The following DISC1 variants were observed in gnomAD, a reference collection of about 807,000 sequenced individuals.
DISC1 encodes the protein disrupted in schizophrenia 1 protein.
A neutral mutation model predicts 84.5 loss-of-function variants in DISC1; 57 were observed. That is an observed-to-expected ratio of 0.67 (90% CI 0.55 to 0.84). The LOEUF (loss-of-function observed/expected upper bound fraction) is 0.84. Ranked by LOEUF, DISC1 falls within the 40% of genes least tolerant of loss-of-function variation. The probability of loss-of-function intolerance (pLI) is 0.00; values close to 1 mark genes in which losing one functional copy is unlikely to be tolerated. For synonymous variants in DISC1, 411 were observed against 415.2 expected (o/e 0.99, Z 0.12); for missense variants, 1,000 against 1,057.8 (o/e 0.95, Z 0.76).
chr1:231,828,070 CA>C (rs1186992698), intron 9 of DISC1, among the ~76,000 whole-genome samples: 2 of 152,084 alleles, frequency 1.3e-5, no homozygotes, highest in African/African-American at 4.8e-5. Flanking sequence ...TTTTATTTGC[CA>C]AAATGATGTT....
intron 3 of DISC1, among the ~76,000 whole-genome samples, chr1:231,714,199 T>G (rs2125044421): frequency 6.6e-6 from 1 of 152,232 alleles, no homozygotes; most frequent in Middle Eastern, 3.4e-3. Flanking sequence ...AGTGAAAGAC[T>G]TTTACATTAA....
At chr1:232,024,490 A>G (rs977415699) in intron 11 of DISC1, among the ~76,000 whole-genome samples, 3 of 152,184 alleles carry the variant, frequency 2.0e-5, no homozygotes, top group African/African-American at 7.2e-5. Context: ...AACAGTGACT[A>G]TTACCGCACC....
intron 9 of DISC1, among the ~76,000 whole-genome samples, chr1:231,931,465 C>T (rs2090652651): frequency 6.6e-6 from 1 of 152,202 alleles, no homozygotes; most frequent in Admixed American, 6.5e-5. Flanking sequence ...TTTAACTTGA[C>T]TCACTGGTTC....
chr1:231,650,341 T>G lies in DISC1; in HGVS notation c.67+23407T>G, dbSNP rs1035899884. 5.3e-5 allele frequency among the ~76,000 whole-genome samples: 8 copies of G among 152,200 alleles called. 1 individual carries two copies. The highest frequency in any genetic ancestry group is 4.6e-4 in the Admixed American group (7 of 15,280). ...TTATGAAGCTTAGTTTGGCTGGATA[T>G]GAAATTCTGGGCTGAAAATTCATTT... On this transcript the variant is annotated intron_variant, in intron 1 of 12. Coordinates refer to ENST00000439617, the MANE Select transcript of DISC1 (RefSeq NM_018662.3).
At chr1:231,719,157 C>A (rs140605449) in intron 3 of DISC1, among the ~76,000 whole-genome samples, 2 of 152,204 alleles carry the variant, frequency 1.3e-5, no homozygotes, top group East Asian at 3.9e-4. Context: ...TTTCAGTGCC[C>A]CTTCTTTTGA....
At chr1:231,657,143 T>C (rs576439146) in intron 1 of DISC1, among the ~76,000 whole-genome samples, 55 of 152,310 alleles carry the variant, frequency 3.6e-4, no homozygotes, top group African/African-American at 1.3e-3. Flanking sequence ...TTTTTTGGGG[T>C]GTATACCCCG....
At chr1:231,922,473 G>A (rs1572077268) in intron 9 of DISC1, among the ~76,000 whole-genome samples, 1 of 152,178 alleles carries the variant, frequency 6.6e-6, no homozygotes, top group Non-Finnish European at 1.5e-5. Context: ...GCACAGATAA[G>A]GTACATTCAT....
intron 1 of DISC1, among the ~76,000 whole-genome samples, chr1:231,628,188 A>G (rs1282395155): frequency 2.6e-5 from 4 of 152,350 alleles, no homozygotes; most frequent in Middle Eastern, 3.4e-3. Context: ...GGCATGGTAC[A>G]TGAAGTCCTC....
In DISC1 at chr1:231,824,579, T is replaced by C. The variant is rs16855111; in HGVS notation, c.1981+6062T>C. Among the ~76,000 whole-genome samples, 869 of 152,324 alleles carry C rather than the reference T, an allele frequency of 5.7e-3. 11 individuals are homozygous for C. The highest frequency in any genetic ancestry group is 0.019 in the African/African-American group (782 of 41,570). Reference sequence around the variant, plus strand: ...TTATTTCCCTTCAGCCATTTTTGCCTGTGAATTTCTAAGCTTGAAATTTGC... The same window carrying C: ...TTATTTCCCTTCAGCCATTTTTGCCCGTGAATTTCTAAGCTTGAAATTTGC... On this transcript the variant is annotated intron_variant, in intron 9 of 12. Coordinates refer to ENST00000439617, the MANE Select transcript of DISC1 (RefSeq NM_018662.3).
chr1:231,751,027 G>A (rs940369995), intron 4 of DISC1, among the ~76,000 whole-genome samples: 3 of 152,346 alleles, frequency 2.0e-5, no homozygotes, highest in South Asian at 2.1e-4. Flanking sequence ...TTTGCCAGTA[G>A]CATGTAGCAG....
intron 10 of DISC1, among the ~76,000 whole-genome samples, chr1:231,968,574 A>C (rs1401251141): frequency 6.7e-6 from 1 of 148,254 alleles, no homozygotes; most frequent in African/African-American, 2.5e-5. Flanking sequence ...CCTGGGCGAC[A>C]GAGCGAGACT....
At position 231,803,102 on chromosome 1, in the gene DISC1, T is replaced by A. The variant is rs529569496; in HGVS notation, c.1792+2892T>A. On this transcript the variant is annotated intron_variant, in intron 8 of 12. Coordinates refer to ENST00000439617, the MANE Select transcript of DISC1 (RefSeq NM_018662.3). ...CATGGAAATACAATTTGGGCAGGGC[T>A]TGGCAGGGACAGCTAGGGTGGCTCA... Among the ~76,000 whole-genome samples, 3 of 152,298 alleles carry A rather than the reference T, an allele frequency of 2.0e-5. No individual in the cohort carries two copies. In the South Asian group the frequency reaches 6.2e-4, roughly 32 times the overall value.
chr1:231,986,153 C>A (rs928021104), intron 10 of DISC1, among the ~76,000 whole-genome samples: 1 of 152,192 alleles, frequency 6.6e-6, no homozygotes, highest in African/African-American at 2.4e-5. Flanking sequence ...TACCCTGCCA[C>A]GCACAGAGAG....
chr1:231,698,878 G>A lies in DISC1; in HGVS notation c.1048-3077G>A, dbSNP rs1196683056. On this transcript the variant is annotated intron_variant, in intron 2 of 12. Transcript: ENST00000439617. The surrounding 1 kb of genome is among the most constrained non-coding windows in gnomAD (Gnocchi z 4.9). ...ATATAGAACAATTCAAAGACAAAGG[G>A]GTTAATATGATTATTCATTCATTCT... 6.6e-6 allele frequency among the ~76,000 whole-genome samples: 1 copy of A among 152,096 alleles called. No individual in the cohort carries two copies. The highest frequency in any genetic ancestry group is 1.5e-5 in the Non-Finnish European group (1 of 68,014).
At chr1:231,749,850 G>C in intron 3 of DISC1, 76 bp from the exon 4 acceptor site, 1 of 1,596,846 alleles carries the variant, frequency 6.3e-7, no homozygotes, top group Non-Finnish European at 8.6e-7. Context: ...TACAACTGGA[G>C]CTAAGAGACA....
At chr1:231,993,388 G>A (rs1294086307) in intron 10 of DISC1, among the ~76,000 whole-genome samples, 1 of 151,410 alleles carries the variant, frequency 6.6e-6, no homozygotes, top group Admixed American at 6.6e-5. Context: ...GGATAGATTG[G>A]AAGTATGAAA....
chr1:231,917,575 A>G (rs17821689), intron 9 of DISC1, among the ~76,000 whole-genome samples: 2,667 of 152,334 alleles, frequency 0.018, 46 homozygotes, highest in Non-Finnish European at 0.026. Context: ...TTCCAAGGCT[A>G]CATAGAACGA....
chr1:231,642,370 C>T (rs1572418904), intron 1 of DISC1, among the ~76,000 whole-genome samples: 1 of 152,106 alleles, frequency 6.6e-6, no homozygotes, highest in African/African-American at 2.4e-5. Flanking sequence ...CAGCGGCGGG[C>T]GGAAGGGCTC....
intron 3 of DISC1, among the ~76,000 whole-genome samples, chr1:231,707,513 G>A (rs752957092): frequency 1.3e-5 from 2 of 152,126 alleles, no homozygotes; most frequent in African/African-American, 2.4e-5. Flanking sequence ...TCAAGTATGT[G>A]TCATGAGACT....
Sources: allele counts gnomAD v4.1 joint callset (sites outside exome capture counted in the v4.1 genomes callset), GRCh38; gene constraint gnomAD v4.1.1; non-coding constraint Gnocchi (gnomAD v3.1); transcripts MANE v1.5; gene names NCBI Gene and HGNC (gene_info 2026-07-23, HGNC 2026-07-21).